Variants in CSMD1 observed in about 807,000 individuals in gnomAD.
CSMD1 encodes the protein CUB and Sushi multiple domains 1, also known as CUB and sushi domain-containing protein 1.
CSMD1 carries 213 observed loss-of-function variants against 417.5 expected under a neutral mutation model. The ratio of observed to expected loss-of-function variants is 0.51; its 90% CI spans 0.46 to 0.57. CSMD1 has a LOEUF of 0.57. Among genes scored for constraint, CSMD1 ranks in the 20% least tolerant of loss-of-function variants. The pLI, the probability that CSMD1 is intolerant of heterozygous loss-of-function variation, is 0.00. For missense variants in CSMD1, 6,923 were observed against 4,529.7 expected, an observed-to-expected ratio of 1.53 and a Z score of -15.17; for synonymous variants, 2,862 against 1,736.8, an observed-to-expected ratio of 1.65 and a Z score of -16.11.
intron 3 of CSMD1, among the ~76,000 whole-genome samples, chr8:4,165,387 G>A (rs781302742): frequency 2.0e-5 from 3 of 152,226 alleles, no homozygotes; most frequent in African/African-American, 7.2e-5. Context: ...ACTAAAAGAT[G>A]TGCCATTTGT....
intron 7 of CSMD1, among the ~76,000 whole-genome samples, chr8:3,646,865 G>A (rs1797601125): frequency 6.6e-6 from 1 of 152,046 alleles, no homozygotes; most frequent in Non-Finnish European, 1.5e-5. Flanking sequence ...GCTGAATTTG[G>A]GTCACACGAG....
intron 25 of CSMD1, among the ~76,000 whole-genome samples, chr8:3,292,925 T>C (rs1211502588): frequency 1.3e-5 from 2 of 152,186 alleles, no homozygotes; most frequent in East Asian, 1.9e-4. Flanking sequence ...CTAGTCTCGA[T>C]GGTCTTTACA....
rs554603001 is a variant in CSMD1 at position 4,814,217 on chromosome 8, T to TGTGC, written c.86-176660_86-176659insGCAC. Among the ~76,000 whole-genome samples the TGTGC allele has an allele frequency of 3.5e-3, 529 of 151,206 alleles. 8 individuals carry two copies. Among genetic ancestry groups the TGTGC allele is most frequent in the African/African-American group, 0.012 (493 of 41,116 alleles). On this transcript the variant is annotated intron_variant, in intron 1 of 69. Coordinates refer to ENST00000635120, the MANE Select transcript of CSMD1 (RefSeq NM_033225.6). ...GATTTTGTGTGTGTGTGTGTGTGTG[T>TGTGC]GCGTGTGCGTGTGCGCATGTGCGCG...
intron 4 of CSMD1, among the ~76,000 whole-genome samples, chr8:4,014,550 T>C (rs1796431894): frequency 6.6e-6 from 1 of 152,208 alleles, no homozygotes; most frequent in South Asian, 2.1e-4. Flanking sequence ...ATAGCCGTTA[T>C]TGGTATTAAG....
chr8:3,715,212 A>G (rs1315270706), intron 6 of CSMD1, among the ~76,000 whole-genome samples: 1 of 152,150 alleles, frequency 6.6e-6, no homozygotes, highest in Non-Finnish European at 1.5e-5. Context: ...TAAACACCCT[A>G]AGACCCATTA....
At chr8:4,040,117 A>T (rs139079541) in intron 3 of CSMD1, among the ~76,000 whole-genome samples, 61 of 152,332 alleles carry the variant, frequency 4.0e-4, no homozygotes, top group Middle Eastern at 3.4e-3. Context: ...GCAATTTCAG[A>T]AACAATATTT....
intron 47 of CSMD1, among the ~76,000 whole-genome samples, chr8:3,092,156 T>C (rs983933777): frequency 1.3e-5 from 2 of 152,130 alleles, no homozygotes; most frequent in Non-Finnish European, 2.9e-5. Context: ...ATTCTAACAC[T>C]ATTTCTCATG....
chr8:3,392,040 G>C (rs1811378470), intron 17 of CSMD1, among the ~76,000 whole-genome samples: 1 of 149,710 alleles, frequency 6.7e-6, no homozygotes, highest in African/African-American at 2.5e-5. Flanking sequence ...CTCACTCATA[G>C]GTGGGAATTG....
intron 26 of CSMD1, among the ~76,000 whole-genome samples, chr8:3,260,680 G>C (rs1800996711): frequency 6.6e-6 from 1 of 151,760 alleles, no homozygotes; most frequent in Admixed American, 6.6e-5. Context: ...AGTAATACGT[G>C]GTTCTTGAGT....
chr8:4,159,173 C>T (rs576601443), intron 3 of CSMD1, among the ~76,000 whole-genome samples: 1 of 152,262 alleles, frequency 6.6e-6, no homozygotes, highest in East Asian at 1.9e-4. Context: ...GTCTCGGCCT[C>T]CCAAAGTGCT....
intron 33 of CSMD1, among the ~76,000 whole-genome samples, chr8:3,197,541 CT>C (rs1378528238): frequency 3.3e-5 from 5 of 149,924 alleles, no homozygotes; most frequent in Non-Finnish European, 7.4e-5. Flanking sequence ...TCTCCACTCA[CT>C]GCAAGCTCCG....
intron 2 of CSMD1, among the ~76,000 whole-genome samples, chr8:4,609,915 A>G (rs928338214): frequency 6.6e-6 from 1 of 152,196 alleles, no homozygotes; most frequent in Admixed American, 6.5e-5. Context: ...CCCCTTTACA[A>G]GGAAATTATC....
At chr8:4,208,735 G>C (rs986394835) in intron 3 of CSMD1, among the ~76,000 whole-genome samples, 2 of 152,116 alleles carry the variant, frequency 1.3e-5, no homozygotes, top group African/African-American at 4.8e-5. Flanking sequence ...AAAAAGCATG[G>C]AATATGGAGA....
At chr8:4,197,929 G>C (rs6991960) in intron 3 of CSMD1, among the ~76,000 whole-genome samples, 12 of 152,126 alleles carry the variant, frequency 7.9e-5, no homozygotes, top group African/African-American at 2.9e-4. Flanking sequence ...CATTCATTTA[G>C]TAATTCTGTA....
In CSMD1 at chr8:3,879,223, T is replaced by C. The variant is rs73661015; in HGVS notation, c.818+118680A>G. Among the ~76,000 whole-genome samples the C allele has an allele frequency of 1.1e-3, 174 of 152,320 alleles. 1 individual carries two copies. Among genetic ancestry groups the C allele is most frequent in the African/African-American group, 3.9e-3 (163 of 41,578 alleles). On this transcript the variant is annotated intron_variant, in intron 5 of 69. Coordinates refer to ENST00000635120, the MANE Select transcript of CSMD1 (RefSeq NM_033225.6). Reference sequence around the variant, plus strand: ...GCCTAGAAATATACAGGTATGTATTTATACACTATACCTGTGTATATAGGA... The same window carrying C: ...GCCTAGAAATATACAGGTATGTATTCATACACTATACCTGTGTATATAGGA...
At chr8:4,276,118 TG>T (rs1796472004) in intron 3 of CSMD1, among the ~76,000 whole-genome samples, 1 of 152,188 alleles carries the variant, frequency 6.6e-6, no homozygotes, top group South Asian at 2.1e-4. Flanking sequence ...ATCCCATTAG[TG>T]GGTATATACC....
At chr8:3,985,688 C>A (rs866512183) in intron 5 of CSMD1, among the ~76,000 whole-genome samples, 1 of 151,920 alleles carries the variant, frequency 6.6e-6, no homozygotes. Flanking sequence ...ATTACAACCT[C>A]CAAGAATCAA....
chr8:3,181,706 C>T (rs1376508386), intron 36 of CSMD1, among the ~76,000 whole-genome samples: 2 of 152,098 alleles, frequency 1.3e-5, no homozygotes, highest in Non-Finnish European at 2.9e-5. Flanking sequence ...TAATGTTCCC[C>T]CTGGATCTGT....
chr8:3,909,430 C>A (rs2688319), intron 5 of CSMD1, among the ~76,000 whole-genome samples: 1 of 151,840 alleles, frequency 6.6e-6, no homozygotes, highest in Non-Finnish European at 1.5e-5. Context: ...GGGCAGGATA[C>A]GCAGAAAAAG....
Sources: allele counts gnomAD v4.1 joint callset (sites outside exome capture counted in the v4.1 genomes callset), GRCh38; gene constraint gnomAD v4.1.1; transcripts MANE v1.5; gene names NCBI Gene and HGNC (gene_info 2026-07-23, HGNC 2026-07-21).